Variants in TACC2 observed in about 807,000 individuals in gnomAD.
The protein encoded by TACC2 is transforming acidic coiled-coil-containing protein 2.
Under a neutral mutation model 227.3 loss-of-function variants are expected in TACC2, and 137 were observed. That is an observed-to-expected ratio of 0.60 (90% CI 0.52 to 0.69). The LOEUF (loss-of-function observed/expected upper bound fraction) is 0.69, where lower values mean the gene tolerates loss of function less well. Ranked by LOEUF, TACC2 falls within the 30% of genes least tolerant of loss-of-function variation. TACC2 has a pLI of 0.00. For missense variants in TACC2, 3,470 were observed against 3,694.4 expected (o/e 0.94, Z 1.57); for synonymous variants, 1,523 against 1,487.5 (o/e 1.02, Z -0.55).
At chr10:122,202,664 CTTT>C (rs1313395010) in intron 8 of TACC2, among the ~76,000 whole-genome samples, 1 of 145,126 alleles carries the variant, frequency 6.9e-6, no homozygotes, top group Non-Finnish European at 1.5e-5. Flanking sequence ...TTCTTTCTTT[CTTT>C]TTTTTTTTTT....
chr10:122,134,171 C>CTT lies in TACC2; in HGVS notation c.5699+1451_5699+1452dup, dbSNP rs397964719. 5.5e-3 allele frequency among the ~76,000 whole-genome samples: 780 copies of CTT among 141,314 alleles called. 7 individuals are homozygous for CTT. The highest frequency in any genetic ancestry group is 0.019 in the African/African-American group (727 of 38,452). The allele number at this position is 141,314 out of a possible 152,430, so 92.7% of individuals were successfully genotyped here. A position where few individuals can be genotyped will look rare whatever the true frequency, so the allele number is the denominator to read the frequency against. ...TTATAGGTGGGAGTCAGCCATAGTT[C>CTT]TTTTTTTTTTTTTTTCCTGAGACGG... On this transcript the variant is annotated intron_variant, in intron 6 of 22. Coordinates refer to ENST00000369005, the MANE Select transcript of TACC2 (RefSeq NM_206862.4).
In TACC2 at chr10:122,210,045, A is replaced by C; in HGVS notation, c.5972-352A>C. 4.0e-6 allele frequency: 1 copy of C among 252,350 alleles called. No individual in the cohort carries two copies. The highest frequency in any genetic ancestry group is 6.6e-5 in the South Asian group (1 of 15,152). 15.6% of individuals were successfully genotyped at this position (252,350 alleles called of 1,614,324 possible). On this transcript the variant is annotated intron_variant, in intron 8 of 22. Transcript: ENST00000369005. This position sits in a 1 kb window ranked among gnomAD's most constrained non-coding sequence, Gnocchi z 4.6. Reference sequence around the variant, plus strand: ...AAGAATGTGACTTCCAGGAAGGGAAAGGTTTTGTCTATTTCTGTTCCTTGT... The same window carrying C: ...AAGAATGTGACTTCCAGGAAGGGAACGGTTTTGTCTATTTCTGTTCCTTGT...
In TACC2 at chr10:122,220,658, C is replaced by T. The variant is rs55950980; in HGVS notation, c.7546+3830C>T. On this transcript the variant is annotated intron_variant, in intron 11 of 22. Coordinates refer to ENST00000369005, the MANE Select transcript of TACC2 (RefSeq NM_206862.4). The stretch of plus-strand genomic sequence containing the variant: ...GTGAGACTTACACTAAAGTCACCAA[C>T]CACAGGAAAAGGAAATGTTGGGTGA... 9.3e-3 allele frequency among the ~76,000 whole-genome samples: 1,413 copies of T among 152,260 alleles called. 17 individuals are homozygous for T. Among genetic ancestry groups the T allele is most frequent in the Non-Finnish European group, 0.011 (740 of 68,026 alleles).
At chr10:122,119,306 G>T (rs1361304352) in intron 5 of TACC2, among the ~76,000 whole-genome samples, 1 of 152,190 alleles carries the variant, frequency 6.6e-6, no homozygotes, top group African/African-American at 2.4e-5. Context: ...TATAAATGGC[G>T]AGTAAGTGGC....
At chr10:122,101,723 CTTT>C (rs1179126977) in intron 5 of TACC2, among the ~76,000 whole-genome samples, 2 of 55,736 alleles carry the variant, frequency 3.6e-5, no homozygotes, top group East Asian at 1.3e-3. Flanking sequence ...CCATGCCCAG[CTTT>C]TTTTTTTTTT....
intron 8 of TACC2, among the ~76,000 whole-genome samples, chr10:122,207,536 A>C (rs1381654698): frequency 6.6e-6 from 1 of 152,182 alleles, no homozygotes; most frequent in Non-Finnish European, 1.5e-5. Flanking sequence ...CATTGTGTGG[A>C]GGCCAGGGAT....
At chr10:122,158,852 C>G (rs145616077) in intron 7 of TACC2, among the ~76,000 whole-genome samples, 17 of 152,230 alleles carry the variant, frequency 1.1e-4, no homozygotes, top group Admixed American at 4.6e-4. Flanking sequence ...TGCCTTTTCT[C>G]TATTCATCAT....
intron 16 of TACC2, among the ~76,000 whole-genome samples, chr10:122,232,424 G>T (rs1459871787): frequency 1.3e-5 from 2 of 152,164 alleles, no homozygotes; most frequent in Non-Finnish European, 2.9e-5. Flanking sequence ...GCAAATAATG[G>T]CCAGGAGTTG....
At chr10:122,080,078 A>G (rs997479153) in intron 3 of TACC2, among the ~76,000 whole-genome samples, 1 of 152,168 alleles carries the variant, frequency 6.6e-6, no homozygotes, top group African/African-American at 2.4e-5. Flanking sequence ...GGAGGCTGGA[A>G]GTCCTGGTCA....
chr10:122,075,264 G>A (rs115103233), intron 3 of TACC2, among the ~76,000 whole-genome samples: 2,281 of 151,458 alleles, frequency 0.015, 51 homozygotes, highest in African/African-American at 0.052. Flanking sequence ...TGCCAAAACC[G>A]GAATCCTCCT....
intron 5 of TACC2, 116 bp from the exon 6 acceptor site, chr10:122,132,493 G>A (rs1592391450): frequency 1.6e-6 from 2 of 1,241,822 alleles, no homozygotes; most frequent in East Asian, 2.3e-5. Flanking sequence ...AGTTTGCAGT[G>A]AGCGGAGATC....
At chr10:122,207,031 G>C (rs2095134431) in intron 8 of TACC2, among the ~76,000 whole-genome samples, 2 of 152,084 alleles carry the variant, frequency 1.3e-5, no homozygotes, top group Admixed American at 6.5e-5. Flanking sequence ...GGGTGTGGTG[G>C]CTCACACCTG....
intron 1 of TACC2, among the ~76,000 whole-genome samples, chr10:122,009,576 A>G (rs1159618021): frequency 6.6e-6 from 1 of 152,166 alleles, no homozygotes; most frequent in Non-Finnish European, 1.5e-5. Context: ...AGAAGTATAA[A>G]CTGGCCAAAT....
rs1484308934 is a variant in TACC2, at chr10:122,150,799, C to T, written c.5834+7093C>T. Among the ~76,000 whole-genome samples, 2 of 152,206 alleles carry T rather than the reference C, an allele frequency of 1.3e-5. No homozygotes were observed. The highest frequency in any genetic ancestry group is 2.9e-5 in the Non-Finnish European group (2 of 68,040). On this transcript the variant is annotated intron_variant, in intron 7 of 22. Transcript: ENST00000369005. The surrounding 1 kb of genome is among the most constrained non-coding windows in gnomAD (Gnocchi z 4.0). ...CTGGAGTCTAGGTGGAGTCATGCAG[C>T]GTTCCTGGGTCCTTTCTTCTGCTTT...
chr10:122,249,704 G>T, intron 22 of TACC2, 40 bp downstream of exon 22: 1 of 1,586,240 alleles, frequency 6.3e-7, no homozygotes, highest in Non-Finnish European at 8.6e-7. Flanking sequence ...GGGCCGGGCT[G>T]CTGCTCTCTG....
At chr10:122,091,269 T>C (rs1221612866) in intron 5 of TACC2, among the ~76,000 whole-genome samples, 1 of 151,692 alleles carries the variant, frequency 6.6e-6, no homozygotes, top group Non-Finnish European at 1.5e-5. Flanking sequence ...AAAAAGAAAA[T>C]ACATCACTAG....
intron 5 of TACC2, among the ~76,000 whole-genome samples, chr10:122,116,948 A>G (rs2084810126): frequency 6.6e-6 from 1 of 151,464 alleles, no homozygotes; most frequent in Non-Finnish European, 1.5e-5. Context: ...GTGAGTGCAA[A>G]GCCCTTCACA....
chr10:122,242,633 G>A (rs1390909345), intron 19 of TACC2, among the ~76,000 whole-genome samples: 1 of 152,082 alleles, frequency 6.6e-6, no homozygotes, highest in African/African-American at 2.4e-5. Flanking sequence ...ACATCCCTGG[G>A]CCTTTTTTTC....
chr10:122,237,385 G>C lies in TACC2; in HGVS notation c.8128-10G>C. On this transcript the variant is annotated splice_polypyrimidine_tract_variant and intron_variant, in intron 16 of 22. Coordinates refer to ENST00000369005, the MANE Select transcript of TACC2 (RefSeq NM_206862.4). The stretch of plus-strand genomic sequence containing the variant: ...AACTGTTTTTTTTTTAATTAAAAAC[G>C]ATTCCACAGAGAGAGGCTGCTCACC... 1.3e-6 allele frequency: 2 copies of C among 1,590,650 alleles called. No individual in the cohort carries two copies. Among genetic ancestry groups the C allele is most frequent in the Non-Finnish European group, 1.7e-6 (2 of 1,170,400 alleles).
Sources: gnomAD v4.1 joint callset for allele counts (sites outside exome capture counted in the v4.1 genomes callset) on GRCh38, gnomAD v4.1.1 for gene constraint, Gnocchi (gnomAD v3.1) non-coding constraint, MANE v1.5 for transcripts, NCBI Gene and HGNC (gene_info 2026-07-23, HGNC 2026-07-21) for gene names.